Variants in PRR16 observed in about 807,000 individuals in gnomAD.
PRR16 encodes the protein proline rich 16, also known as protein Largen.
Under a neutral mutation model 18.2 loss-of-function variants are expected in PRR16, and 6 were observed. That is an observed-to-expected ratio of 0.33 (90% CI 0.18 to 0.65). The LOEUF is 0.65. PRR16 is among the 30% of genes least tolerant of loss of function. The probability of loss-of-function intolerance (pLI) is 0.74; values close to 1 mark genes in which losing one functional copy is unlikely to be tolerated. For synonymous variants in PRR16, 151 were observed against 147.8 expected (o/e 1.02, Z -0.16); for missense variants, 412 against 376.6 (o/e 1.09, Z -0.78).
At chr5:120,655,474 A>G (rs1253309297) in intron 1 of PRR16, among the ~76,000 whole-genome samples, 2 of 151,472 alleles carry the variant, frequency 1.3e-5, no homozygotes, top group Admixed American at 1.3e-4. Context: ...ATAGACATAT[A>G]TAGAAGCATT....
At chr5:120,593,171 G>A (rs1753692640) in intron 1 of PRR16, among the ~76,000 whole-genome samples, 1 of 151,356 alleles carries the variant, frequency 6.6e-6, no homozygotes, top group African/African-American at 2.4e-5. Context: ...AATAAGAGCT[G>A]AACTGAAGGA....
intron 1 of PRR16, among the ~76,000 whole-genome samples, chr5:120,483,170 C>T (rs1335473901): frequency 6.6e-6 from 1 of 152,120 alleles, no homozygotes; most frequent in Non-Finnish European, 1.5e-5. Flanking sequence ...TTGTGATACC[C>T]TATTTCAACA....
the PRR16 span, among the ~76,000 whole-genome samples, chr5:120,758,974 CTTTTTTTT>C: frequency 1.8e-5 from 2 of 110,352 alleles, no homozygotes; most frequent in African/African-American, 3.5e-5. Context: ...ACCATAATTT[CTTTTTTTT>C]TTTTTTTTTT....
In PRR16 at chr5:120,686,709, A is replaced by G; in HGVS notation, c.915A>G (p.Ter305TrpextTer10). The change falls in exon 2 of 2, where the codon TGA becomes TGG. Residue 305 changes from the stop codon to tryptophan (W), a stop_lost. Transcript: ENST00000407149. ...GGAAGTCAACCACTACAACCGTGTG[A>G]TGTATGCCATTAAAAAAATTGTTTT... Reference protein sequence around the residue: ...ILRKSTTTTV* With the variant: ...ILRKSTTTTVW 1 of 1,464,340 alleles carries G rather than the reference A, an allele frequency of 6.8e-7. No homozygotes were observed. Among genetic ancestry groups the G allele is most frequent in the Non-Finnish European group, 9.1e-7 (1 of 1,104,172 alleles). The allele number at this position is 1,464,340 out of a possible 1,614,324, so 90.7% of individuals were successfully genotyped here.
chr5:120,579,206 G>A (rs1386044914), intron 1 of PRR16, among the ~76,000 whole-genome samples: 2 of 152,058 alleles, frequency 1.3e-5, no homozygotes, highest in South Asian at 2.1e-4. Context: ...TAGGTTGCTT[G>A]TTCACTCTGA....
At chr5:120,768,386 T>A in the PRR16 span, among the ~76,000 whole-genome samples, 3 of 150,430 alleles carry the variant, frequency 2.0e-5, no homozygotes, top group Non-Finnish European at 3.0e-5. Flanking sequence ...TTTTGAGATG[T>A]CTCTATAGTA....
the PRR16 span, among the ~76,000 whole-genome samples, chr5:120,704,640 G>A: frequency 1.6e-3 from 236 of 152,196 alleles, 2 homozygotes; most frequent in Admixed American, 2.7e-3. Context: ...AATCACTTGG[G>A]AAGCTTCACA....
rs1754113273 is a variant in PRR16, at chr5:120,605,091, C to G, written c.160-80863C>G. ...TGAATTTGCACGTCAGCCTGTCTAG[C>G]AAGGTTAGGGAAATTTTTGTGGTTT... On this transcript the variant is annotated intron_variant, in intron 1 of 1. Transcript: ENST00000407149. Among the ~76,000 whole-genome samples the G allele has an allele frequency of 2.0e-5, 3 of 152,228 alleles. No homozygotes were observed. In the South Asian group the frequency reaches 6.2e-4, roughly 32 times the overall value.
At chr5:120,762,785 A>G in the PRR16 span, among the ~76,000 whole-genome samples, 1 of 152,234 alleles carries the variant, frequency 6.6e-6, no homozygotes, top group Middle Eastern at 3.4e-3. Context: ...AATTTAAAAT[A>G]CTTTCATTAG....
At chr5:120,596,500 C>T (rs1054639775) in intron 1 of PRR16, among the ~76,000 whole-genome samples, 71 of 151,756 alleles carry the variant, frequency 4.7e-4, no homozygotes, top group African/African-American at 1.7e-3. Context: ...AAGCATTTTT[C>T]TCTTCATTTT....
At chr5:120,583,698 C>G (rs1397584353) in intron 1 of PRR16, among the ~76,000 whole-genome samples, 1 of 152,080 alleles carries the variant, frequency 6.6e-6, no homozygotes, top group African/African-American at 2.4e-5. Flanking sequence ...CTGGAGGTTG[C>G]TGGATCCTTG....
At chr5:120,486,473 C>T (rs1272003681) in intron 1 of PRR16, among the ~76,000 whole-genome samples, 2 of 151,384 alleles carry the variant, frequency 1.3e-5, no homozygotes, top group African/African-American at 4.9e-5. Flanking sequence ...TGTTCATGTC[C>T]TTCGCCCACT....
chr5:120,633,227 G>A (rs1755116544), intron 1 of PRR16, among the ~76,000 whole-genome samples: 1 of 152,012 alleles, frequency 6.6e-6, no homozygotes, highest in Admixed American at 6.6e-5. Context: ...ACTGCAAAAA[G>A]GAGCTCTAAA....
chr5:120,640,853 A>G (rs888253149), intron 1 of PRR16, among the ~76,000 whole-genome samples: 5 of 152,140 alleles, frequency 3.3e-5, no homozygotes, highest in Non-Finnish European at 7.4e-5. Flanking sequence ...TTTAAATTGA[A>G]CTGGCTTATT....
chr5:120,706,611 C>T, the PRR16 span, among the ~76,000 whole-genome samples: 1 of 152,094 alleles, frequency 6.6e-6, no homozygotes, highest in African/African-American at 2.4e-5. Flanking sequence ...AGAGAGGGGT[C>T]TGAGAAAAAG....
At chr5:120,574,377 G>T (rs993649766) in intron 1 of PRR16, among the ~76,000 whole-genome samples, 2 of 152,114 alleles carry the variant, frequency 1.3e-5, no homozygotes, top group Non-Finnish European at 2.9e-5. Context: ...GCAGAGGCAG[G>T]TGGATTACTT....
At chr5:120,682,367 A>T (rs888290509) in intron 1 of PRR16, among the ~76,000 whole-genome samples, 3 of 152,138 alleles carry the variant, frequency 2.0e-5, no homozygotes, top group East Asian at 1.9e-4. Flanking sequence ...TTGTTTGAAG[A>T]TCTAGTCAAA....
At position 120,673,886 on chromosome 5, in the gene PRR16, C is replaced by T. The variant is rs566976620; in HGVS notation, c.160-12068C>T. Among the ~76,000 whole-genome samples, 8 of 151,564 alleles carry T rather than the reference C, an allele frequency of 5.3e-5. 1 individual carries two copies. In the South Asian group the frequency reaches 1.0e-3, roughly 20 times the overall value. ...AGGAGAATCACTTCACCCTAGGAGG[C>T]GGTGGCTACAGTGAGCCGAGATTGC... On this transcript the variant is annotated intron_variant, in intron 1 of 1. Coordinates refer to ENST00000407149, the MANE Select transcript of PRR16 (RefSeq NM_001300783.2).
chr5:120,773,660 C>G, the PRR16 span, among the ~76,000 whole-genome samples: 1 of 151,932 alleles, frequency 6.6e-6, no homozygotes, highest in Non-Finnish European at 1.5e-5. Flanking sequence ...GGAAAGATGG[C>G]TATCTCTCTG....
Sources: allele counts gnomAD v4.1 joint callset (sites outside exome capture counted in the v4.1 genomes callset), GRCh38; gene constraint gnomAD v4.1.1; transcripts MANE v1.5; gene names NCBI Gene and HGNC (gene_info 2026-07-23, HGNC 2026-07-21).